SMAP1: variants seen among roughly 807,000 people sequenced by gnomAD.
The protein encoded by SMAP1 is small ArfGAP 1, also known as stromal membrane-associated protein 1.
In SMAP1, 24 loss-of-function variants were observed where a neutral mutation model predicts 58.5. The observed-to-expected ratio is 0.41, with a 90% CI of 0.30 to 0.58. The LOEUF is 0.58. SMAP1 is among the 20% of genes least tolerant of loss of function. The probability of loss-of-function intolerance (pLI) is 0.29; values close to 1 mark genes in which losing one functional copy is unlikely to be tolerated. For missense variants in SMAP1, 563 were observed against 566.3 expected, an observed-to-expected ratio of 0.99 and a Z score of 0.06; for synonymous variants, 216 against 196.6, an observed-to-expected ratio of 1.10 and a Z score of -0.82.
At chr6:70,760,721 C>T (rs1420106778) in intron 3 of SMAP1, among the ~76,000 whole-genome samples, 2 of 151,928 alleles carry the variant, frequency 1.3e-5, no homozygotes, top group African/African-American at 4.8e-5. Flanking sequence ...GTTGTCTCAT[C>T]CCTAGAGCAA....
chr6:70,772,451 T>A (rs1353449071), intron 3 of SMAP1, among the ~76,000 whole-genome samples: 1 of 152,162 alleles, frequency 6.6e-6, no homozygotes, highest in East Asian at 1.9e-4. Context: ...TTTCTGTAAT[T>A]ATGTGTGTTT....
chr6:70,759,744 T>C, intron 3 of SMAP1: 2 of 279,624 alleles, frequency 7.2e-6, no homozygotes, highest in South Asian at 6.9e-5. Flanking sequence ...TATTTGGTCC[T>C]TTTCTATAGA....
intron 6 of SMAP1, among the ~76,000 whole-genome samples, chr6:70,826,705 G>T (rs1198866481): frequency 1.3e-5 from 2 of 151,984 alleles, no homozygotes; most frequent in Non-Finnish European, 2.9e-5. Flanking sequence ...TCAGTGCGTG[G>T]TGATTGCACC....
chr6:70,854,774 G>A (rs1040625998), intron 8 of SMAP1, among the ~76,000 whole-genome samples: 1 of 152,110 alleles, frequency 6.6e-6, no homozygotes, highest in African/African-American at 2.4e-5. Flanking sequence ...CAAACTAGTT[G>A]TGGACACCAA....
rs756283578 is a variant in SMAP1, at chr6:70,857,907, C to CT, written c.962-10dup. On this transcript the variant is annotated splice_polypyrimidine_tract_variant and intron_variant, in intron 9 of 10. Coordinates refer to ENST00000370455, the MANE Select transcript of SMAP1 (RefSeq NM_001044305.3). ...TGATAGCTCTGTCTTCATTCATTTT[C>CT]TTTTTGTGGTGCAGGTGTATTTATG... 1.9e-6 allele frequency: 3 copies of CT among 1,611,302 alleles called. No individual in the cohort carries two copies. The Admixed American group carries it at 5.0e-5, about 27-fold the overall frequency.
intron 5 of SMAP1, among the ~76,000 whole-genome samples, chr6:70,796,504 C>T (rs995811336): frequency 3.3e-5 from 5 of 152,186 alleles, no homozygotes; most frequent in African/African-American, 4.8e-5. Flanking sequence ...TATCACCTGG[C>T]CCATAGGAAG....
At chr6:70,746,656 G>A (rs1766055309) in intron 2 of SMAP1, among the ~76,000 whole-genome samples, 1 of 152,140 alleles carries the variant, frequency 6.6e-6, no homozygotes, top group African/African-American at 2.4e-5. Context: ...GTCTCTGCCA[G>A]ACTTTAGTAT....
At chr6:70,838,471 A>G (rs956059889) in intron 7 of SMAP1, among the ~76,000 whole-genome samples, 1 of 152,240 alleles carries the variant, frequency 6.6e-6, no homozygotes. Flanking sequence ...TATGTGGTAA[A>G]TACTATAGAT....
rs746547852 is a variant in SMAP1 at position 70,860,352 on chromosome 6, T to C, written c.*18T>C. ...GGAAATGAAAACTGCAATACAAGTT[T>C]CATCCAGAACTACCACCTGACATTC... On this transcript the variant is annotated 3_prime_UTR_variant, in exon 11 of 11. Transcript: ENST00000370455. The C allele has an allele frequency of 6.3e-6, 10 of 1,598,898 alleles. No individual in the cohort carries two copies. The highest frequency in any genetic ancestry group is 8.5e-6 in the Non-Finnish European group (10 of 1,173,302).
At chr6:70,789,223 T>C (rs1308090613) in intron 4 of SMAP1, among the ~76,000 whole-genome samples, 1 of 152,182 alleles carries the variant, frequency 6.6e-6, no homozygotes, top group African/African-American at 2.4e-5. Flanking sequence ...GTAGATATTT[T>C]AAGGTACAGA....
chr6:70,759,777 A>G (rs1766670425), intron 3 of SMAP1: 3 of 329,800 alleles, frequency 9.1e-6, no homozygotes, highest in Non-Finnish European at 1.9e-5. Flanking sequence ...TGAGATTTTT[A>G]TAGTGAATTG....
chr6:70,698,866 C>T (rs1353308795), intron 1 of SMAP1, among the ~76,000 whole-genome samples: 1 of 152,198 alleles, frequency 6.6e-6, no homozygotes, highest in African/African-American at 2.4e-5. Context: ...GGTCACATAT[C>T]TCTGTCACTC....
chr6:70,672,999 T>C (rs761627064), intron 1 of SMAP1, among the ~76,000 whole-genome samples: 5 of 151,878 alleles, frequency 3.3e-5, no homozygotes, highest in African/African-American at 9.7e-5. Flanking sequence ...ATAGTGAGGA[T>C]TGCAGGCAAA....
intron 1 of SMAP1, among the ~76,000 whole-genome samples, chr6:70,685,892 T>A (rs2128553682): frequency 6.6e-6 from 1 of 152,122 alleles, no homozygotes; most frequent in South Asian, 2.1e-4. Context: ...AGAGGTTTTT[T>A]TAATTTTTTT....
intron 5 of SMAP1, among the ~76,000 whole-genome samples, chr6:70,795,946 C>T (rs1041178910): frequency 6.6e-6 from 1 of 152,094 alleles, no homozygotes; most frequent in Admixed American, 6.5e-5. Flanking sequence ...TCATGTTGGT[C>T]AGGCTGGTCT....
intron 6 of SMAP1, among the ~76,000 whole-genome samples, chr6:70,822,265 C>G (rs1769922164): frequency 6.6e-6 from 1 of 152,130 alleles, no homozygotes; most frequent in African/African-American, 2.4e-5. Flanking sequence ...ATACTTTGTG[C>G]TTAATGTTTG....
intron 1 of SMAP1, among the ~76,000 whole-genome samples, chr6:70,721,767 C>A (rs771787880): frequency 4.6e-5 from 7 of 152,166 alleles, no homozygotes; most frequent in Non-Finnish European, 7.3e-5. Flanking sequence ...GCACTTCTTA[C>A]ATGGCAGCAG....
At chr6:70,783,997 T>C (rs1366326171) in intron 4 of SMAP1, among the ~76,000 whole-genome samples, 4 of 152,054 alleles carry the variant, frequency 2.6e-5, no homozygotes, top group Non-Finnish European at 5.9e-5. Context: ...AGACACATAA[T>C]TGTCAGATTC....
chr6:70,677,669 T>A (rs1766541609), intron 1 of SMAP1, among the ~76,000 whole-genome samples: 1 of 49,418 alleles, frequency 2.0e-5, no homozygotes, highest in African/African-American at 6.3e-5. Flanking sequence ...ATTAAAAAAT[T>A]ATATTATTGA....
Sources: gnomAD v4.1 joint callset for allele counts (sites outside exome capture counted in the v4.1 genomes callset) on GRCh38, gnomAD v4.1.1 for gene constraint, MANE v1.5 for transcripts, NCBI Gene and HGNC (gene_info 2026-07-23, HGNC 2026-07-21) for gene names.